ZNF385B: variants seen among roughly 807,000 people sequenced by gnomAD.
The protein encoded by ZNF385B is zinc finger protein 385B.
Under a neutral mutation model 39.2 loss-of-function variants are expected in ZNF385B, and 23 were observed. The observed-to-expected ratio is 0.59, with a 90% CI of 0.42 to 0.83. The LOEUF is 0.83. Among genes scored for constraint, ZNF385B ranks in the 40% least tolerant of loss-of-function variants. The pLI is 0.00. For missense variants in ZNF385B, 552 were observed against 598.9 expected (o/e 0.92, Z 0.82); for synonymous variants, 205 against 222.6 (o/e 0.92, Z 0.70).
chr2:179,688,213 CAA>C (rs1698073456), intron 3 of ZNF385B, among the ~76,000 whole-genome samples: 1 of 151,836 alleles, frequency 6.6e-6, no homozygotes. Flanking sequence ...GGCTTGGGGA[CAA>C]TTAGAGAAAA....
intron 3 of ZNF385B, among the ~76,000 whole-genome samples, chr2:179,557,915 A>C (rs113868237): frequency 6.6e-6 from 1 of 152,094 alleles, no homozygotes; most frequent in African/African-American, 2.4e-5. Context: ...CCTCATTTTA[A>C]TACTTCTTTT....
In ZNF385B at chr2:179,485,608, A is replaced by G. The variant is rs59637030; in HGVS notation, c.553-2174T>C. 8.4e-3 allele frequency among the ~76,000 whole-genome samples: 1,273 copies of G among 152,272 alleles called. 14 individuals are homozygous for G. Among genetic ancestry groups the G allele is most frequent in the African/African-American group, 0.029 (1,197 of 41,550 alleles). The stretch of plus-strand genomic sequence containing the variant: ...ATGATGATGAATTTATTCATGCCAA[A>G]TATTATAGATGATATAGTCACAAGT... On this transcript the variant is annotated intron_variant, in intron 5 of 9. Coordinates refer to ENST00000410066, the MANE Select transcript of ZNF385B (RefSeq NM_152520.6).
intron 3 of ZNF385B, among the ~76,000 whole-genome samples, chr2:179,647,769 G>A (rs1455377637): frequency 6.6e-6 from 1 of 152,204 alleles, no homozygotes; most frequent in Non-Finnish European, 1.5e-5. Flanking sequence ...GAGAGAAAGA[G>A]ACTCAGAAAA....
At chr2:179,670,278 C>G (rs181412557) in intron 3 of ZNF385B, among the ~76,000 whole-genome samples, 2 of 124,132 alleles carry the variant, frequency 1.6e-5, no homozygotes, top group East Asian at 4.5e-4. Context: ...GGCCACAGAG[C>G]GAGACTCCGT....
rs368916144 is a variant in ZNF385B, at chr2:179,769,678, T to C, written c.123A>G (p.Lys41=). 8.7e-6 allele frequency: 14 copies of C among 1,614,198 alleles called. No homozygotes were observed. Among genetic ancestry groups the C allele is most frequent in the Non-Finnish European group, 1.2e-5 (14 of 1,180,026 alleles). The change falls in exon 3 of 10, where the codon AAA becomes AAG. Residue 41 remains lysine (K), a synonymous_variant. Transcript: ENST00000410066. The part of the protein sequence containing the change: ...KNDRPEDQLS[K]EKKKILFSFC... Reference sequence around the variant, plus strand: ...AGGAGAAAAGAATTTTCTTTTTCTCTTTGCTCAACTGGTCCTCAGGCCTGT... The same window carrying C: ...AGGAGAAAAGAATTTTCTTTTTCTCCTTGCTCAACTGGTCCTCAGGCCTGT...
chr2:179,487,420 G>A (rs1251182235), intron 5 of ZNF385B, among the ~76,000 whole-genome samples: 1 of 152,200 alleles, frequency 6.6e-6, no homozygotes, highest in African/African-American at 2.4e-5. Flanking sequence ...GTGGCACTTT[G>A]CTATCCCTAG....
Position 179,647,830 on chromosome 2 carries a change from T to C in ZNF385B, c.299-102861A>G, listed in dbSNP as rs1692856507. Among the ~76,000 whole-genome samples, 3 of 152,170 alleles carry C rather than the reference T, an allele frequency of 2.0e-5. No individual in the cohort carries two copies. The South Asian group carries it at 6.2e-4, about 32-fold the overall frequency. On this transcript the variant is annotated intron_variant, in intron 3 of 9. Transcript: ENST00000410066. ...TTTTTTATTCCTCCTTTATCATTAT[T>C]CAAATTAAAATACTGGCAGACAATG...
At chr2:179,633,023 T>C (rs1559007476) in intron 3 of ZNF385B, among the ~76,000 whole-genome samples, 1 of 152,190 alleles carries the variant, frequency 6.6e-6, no homozygotes, top group Non-Finnish European at 1.5e-5. Flanking sequence ...AATCTCTGAA[T>C]AGACCAATAA....
At chr2:179,581,839 T>C (rs562944074) in intron 3 of ZNF385B, among the ~76,000 whole-genome samples, 2 of 152,270 alleles carry the variant, frequency 1.3e-5, no homozygotes, top group East Asian at 3.9e-4. Flanking sequence ...TCCTGTAATC[T>C]GGAATGTGGA....
intron 4 of ZNF385B, among the ~76,000 whole-genome samples, chr2:179,531,350 T>C (rs1173743377): frequency 1.3e-5 from 2 of 152,200 alleles, no homozygotes; most frequent in African/African-American, 4.8e-5. Context: ...AACTCCTCTT[T>C]AGTCTGGGTG....
chr2:179,670,740 GA>G (rs1357660169), intron 3 of ZNF385B, among the ~76,000 whole-genome samples: 4 of 152,198 alleles, frequency 2.6e-5, no homozygotes, highest in African/African-American at 9.7e-5. Context: ...AAGAATGAGT[GA>G]ATTTAGGGGG....
intron 3 of ZNF385B, among the ~76,000 whole-genome samples, chr2:179,637,853 A>T (rs1178980166): frequency 6.6e-6 from 1 of 152,226 alleles, no homozygotes; most frequent in Non-Finnish European, 1.5e-5. Flanking sequence ...TGGAGAGGTA[A>T]TAATAATTAA....
chr2:179,537,100 C>T (rs746021434), intron 4 of ZNF385B, among the ~76,000 whole-genome samples: 7 of 151,016 alleles, frequency 4.6e-5, no homozygotes, highest in Non-Finnish European at 8.9e-5. Flanking sequence ...CACCTGAGGT[C>T]GAGAGTTCGA....
At chr2:179,579,606 A>G (rs1331635716) in intron 3 of ZNF385B, among the ~76,000 whole-genome samples, 1 of 152,138 alleles carries the variant, frequency 6.6e-6, no homozygotes, top group Non-Finnish European at 1.5e-5. Flanking sequence ...AATAAAATCC[A>G]TATCATAAAT....
chr2:179,741,425 G>A (rs1702079954), intron 3 of ZNF385B, among the ~76,000 whole-genome samples: 2 of 152,092 alleles, frequency 1.3e-5, no homozygotes, highest in Admixed American at 1.3e-4. Context: ...AGGTAATACA[G>A]AAGCTGAGTG....
At chr2:179,488,374 G>C (rs1407742499) in intron 5 of ZNF385B, among the ~76,000 whole-genome samples, 1 of 152,132 alleles carries the variant, frequency 6.6e-6, no homozygotes, top group Non-Finnish European at 1.5e-5. Context: ...TCTATCTCCT[G>C]ACCTCGTGAT....
At chr2:179,516,812 T>C (rs1171164438) in intron 5 of ZNF385B, among the ~76,000 whole-genome samples, 1 of 152,060 alleles carries the variant, frequency 6.6e-6, no homozygotes, top group Non-Finnish European at 1.5e-5. Flanking sequence ...AAGAAATCTT[T>C]GCCTAATGCA....
chr2:179,617,477 T>A (rs997453479), intron 3 of ZNF385B, among the ~76,000 whole-genome samples: 5 of 152,178 alleles, frequency 3.3e-5, no homozygotes, highest in African/African-American at 1.2e-4. Context: ...GAAAAATGCA[T>A]CAACTTTCTA....
rs1310809937 is a variant in ZNF385B at position 179,835,380 on chromosome 2, T to A, written c.-155+25721A>T. Among the ~76,000 whole-genome samples the A allele has an allele frequency of 2.0e-5, 3 of 152,126 alleles. No individual in the cohort carries two copies. In the East Asian group the frequency reaches 5.8e-4, roughly 29 times the overall value. The stretch of plus-strand genomic sequence containing the variant: ...AGGGGGAAGGTGGAAACCCTTGAGG[T>A]AATAGGACACTTTTTATATGTTCTG... On this transcript the variant is annotated intron_variant, in intron 1 of 9. Transcript: ENST00000410066.
Sources: gnomAD v4.1 joint callset for allele counts (sites outside exome capture counted in the v4.1 genomes callset) on GRCh38, gnomAD v4.1.1 for gene constraint, MANE v1.5 for transcripts, NCBI Gene and HGNC (gene_info 2026-07-23, HGNC 2026-07-21) for gene names.